FRMPD4: variants seen among roughly 807,000 people sequenced by gnomAD.
FRMPD4 encodes the protein FERM and PDZ domain containing 4, also known as FERM and PDZ domain-containing protein 4.
Under a neutral mutation model 94.1 loss-of-function variants are expected in FRMPD4, and 22 were observed. The observed-to-expected ratio is 0.23, with a 90% confidence interval of 0.17 to 0.33. The LOEUF (loss-of-function observed/expected upper bound fraction) is 0.33. Ranked by LOEUF, FRMPD4 falls within the 10% of genes least tolerant of loss-of-function variation. The pLI, the probability that FRMPD4 is intolerant of heterozygous loss-of-function variation, is 1.00. For synonymous variants in FRMPD4, 631 were observed against 548.6 expected, an observed-to-expected ratio of 1.15 and a Z score of -2.10; for missense variants, 1,111 against 1,339.9, an observed-to-expected ratio of 0.83 and a Z score of 2.67.
rs2058494919 is a variant in FRMPD4 at position 12,547,888 on chromosome X, A to G, written c.158+49092A>G. The stretch of plus-strand genomic sequence containing the variant: ...AAACAGACATTTGGTGAAAGACTCT[A>G]AGATCGGGAGTTCTAACTATCATGT... On this transcript the variant is annotated intron_variant, in intron 2 of 16. Coordinates refer to ENST00000675598, the MANE Select transcript of FRMPD4 (RefSeq NM_001368397.1). 2.7e-5 allele frequency among the ~76,000 whole-genome samples: 3 copies of G among 112,253 alleles called. No individual in the cohort carries two copies. The South Asian group carries it at 1.1e-3, about 42-fold the overall frequency.
chrX:12,006,631 C>T (rs2054555572), intron 3 of FRMPD4, among the ~76,000 whole-genome samples: 1 of 112,067 alleles, frequency 8.9e-6, no homozygotes, highest in African/African-American at 3.2e-5. Flanking sequence ...AGGGATATAA[C>T]ACATTGCATT....
At chrX:12,567,841 T>C (rs2058727609) in intron 2 of FRMPD4, among the ~76,000 whole-genome samples, 1 of 111,847 alleles carries the variant, frequency 8.9e-6, no homozygotes, top group Non-Finnish European at 1.9e-5. Flanking sequence ...ACTTTTTTCC[T>C]ATATGCATTT....
chrX:12,194,949 A>G (rs2056549313), intron 1 of FRMPD4, among the ~76,000 whole-genome samples: 1 of 112,237 alleles, frequency 8.9e-6, no homozygotes, highest in South Asian at 3.7e-4. Flanking sequence ...AATACAAACC[A>G]TGTTGCCCTT....
chrX:12,261,182 G>C (rs2054183236), intron 1 of FRMPD4, among the ~76,000 whole-genome samples: 1 of 111,803 alleles, frequency 8.9e-6, no homozygotes, highest in South Asian at 3.7e-4. Context: ...GAGATTTTGA[G>C]TCTGGATATA....
At chrX:12,034,725 G>T (rs2054711047) in intron 3 of FRMPD4, among the ~76,000 whole-genome samples, 3 of 112,149 alleles carry the variant, frequency 2.7e-5, no homozygotes, top group Admixed American at 9.4e-5. Context: ...TGGATTAGGT[G>T]AATACATAAA....
intron 1 of FRMPD4, among the ~76,000 whole-genome samples, chrX:12,239,502 A>G (rs1407196787): frequency 8.9e-6 from 1 of 112,402 alleles, no homozygotes; most frequent in Non-Finnish European, 1.9e-5. Flanking sequence ...GAGACTTAAC[A>G]CAGTAAAAAT....
intron 14 of FRMPD4, among the ~76,000 whole-genome samples, chrX:12,714,443 TA>T (rs1184514275): frequency 5.4e-5 from 6 of 111,616 alleles, no homozygotes; most frequent in Non-Finnish European, 1.1e-4. Context: ...TAAAGATAAT[TA>T]AGATAATCTC....
intron 1 of FRMPD4, among the ~76,000 whole-genome samples, chrX:12,217,014 G>A (rs1263947963): frequency 8.9e-6 from 1 of 112,075 alleles, no homozygotes; most frequent in East Asian, 2.8e-4. Context: ...ATGTGAAGGG[G>A]ACACAGGTGG....
intron 3 of FRMPD4, among the ~76,000 whole-genome samples, chrX:12,064,256 A>G (rs1002634618): frequency 1.8e-5 from 2 of 112,595 alleles, no homozygotes; most frequent in Non-Finnish European, 3.7e-5. Context: ...CTGACATTGC[A>G]CAAATGATAT....
chrX:12,559,521 G>A (rs1189191694), intron 2 of FRMPD4, among the ~76,000 whole-genome samples: 1 of 110,322 alleles, frequency 9.1e-6, no homozygotes, highest in Non-Finnish European at 1.9e-5. Flanking sequence ...GTGGTGGCAG[G>A]CACCTGTAGT....
chrX:12,679,671 G>C (rs144693598), intron 5 of FRMPD4, among the ~76,000 whole-genome samples: 383 of 111,417 alleles, frequency 3.4e-3, no homozygotes, highest in African/African-American at 0.012. Context: ...ACAATACAAG[G>C]AGACACTCCA....
intron 1 of FRMPD4, among the ~76,000 whole-genome samples, chrX:12,282,264 C>T (rs1317157690): frequency 8.9e-6 from 1 of 112,182 alleles, no homozygotes; most frequent in African/African-American, 3.2e-5. Context: ...TAGTAAACTG[C>T]AGGCCTGGGC....
At chrX:12,454,307 ATATTTT>A (rs2057307402) in intron 1 of FRMPD4, among the ~76,000 whole-genome samples, 1 of 112,001 alleles carries the variant, frequency 8.9e-6, no homozygotes. Context: ...GGAATACAAA[ATATTTT>A]TAAGAGAAGG....
At chrX:12,099,042 A>G (rs1311341219) in intron 3 of FRMPD4, among the ~76,000 whole-genome samples, 1 of 79,857 alleles carries the variant, frequency 1.3e-5, no homozygotes, top group African/African-American at 4.9e-5. Context: ...GAAGGGGAAC[A>G]TCACACTCTG....
intron 3 of FRMPD4, among the ~76,000 whole-genome samples, chrX:11,879,682 T>G (rs922612218): frequency 1.8e-5 from 2 of 111,528 alleles, no homozygotes; most frequent in African/African-American, 6.5e-5. Context: ...TCTATTTTAT[T>G]TTTAGAATCA....
At chrX:11,856,446 A>G (rs1337676428) in intron 1 of FRMPD4, among the ~76,000 whole-genome samples, 1 of 112,314 alleles carries the variant, frequency 8.9e-6, no homozygotes. Context: ...AGGAATAAAG[A>G]CAAAAATCAC....
At chrX:12,547,481 C>T (rs1569328926) in intron 2 of FRMPD4, among the ~76,000 whole-genome samples, 4 of 111,687 alleles carry the variant, frequency 3.6e-5, no homozygotes, top group Non-Finnish European at 7.5e-5. Flanking sequence ...ATTTAAATTT[C>T]GATGTTCATA....
At chrX:11,856,921 G>T (rs1457824668) in intron 1 of FRMPD4, among the ~76,000 whole-genome samples, 2 of 111,438 alleles carry the variant, frequency 1.8e-5, no homozygotes, top group Non-Finnish European at 3.8e-5. Context: ...CAACAGTCAA[G>T]CCAAGAGCCA....
Position 11,967,758 on chromosome X carries a change from T to G in FRMPD4, c.95+89740T>G, listed in dbSNP as rs867616410. 9.8e-3 allele frequency among the ~76,000 whole-genome samples: 754 copies of G among 76,700 alleles called. 11 individuals are homozygous for G. The highest frequency in any genetic ancestry group is 0.043 in the African/African-American group (663 of 15,589). 66.6% of individuals were successfully genotyped at this position (76,700 alleles called of 115,157 possible). A position where few individuals can be genotyped will look rare whatever the true frequency, so the allele number is the denominator to read the frequency against. On this transcript the variant is annotated intron_variant, in intron 3 of 18. Transcript: ENST00000640291. The stretch of plus-strand genomic sequence containing the variant: ...GATGTGTGTGTGTGTGTGTGTGTGT[T>G]TTTTTTTTTTTTTTTTTTTTAAGGA...
Sources: allele counts gnomAD v4.1 joint callset (sites outside exome capture counted in the v4.1 genomes callset), GRCh38; gene constraint gnomAD v4.1.1; transcripts MANE v1.5; gene names NCBI Gene and HGNC (gene_info 2026-07-23, HGNC 2026-07-21).